The following CADM2 variants were observed in gnomAD, a reference collection of about 807,000 sequenced individuals.
The protein encoded by CADM2 is cell adhesion molecule 2, also known as immunoglobulin superfamily member 4D.
In CADM2, 12 loss-of-function variants were observed where a neutral mutation model predicts 49.8. The ratio of observed to expected loss-of-function variants is 0.24; its 90% CI spans 0.15 to 0.39. CADM2 has a LOEUF of 0.39. Among genes scored for constraint, CADM2 ranks in the 10% least tolerant of loss-of-function variants. CADM2 has a pLI of 1.00. For missense variants in CADM2, 378 were observed against 492.3 expected (o/e 0.77, Z 2.20); for synonymous variants, 214 against 175.4 (o/e 1.22, Z -1.74).
chr3:85,381,242 A>G (rs915238325), intron 1 of CADM2, among the ~76,000 whole-genome samples: 1 of 151,806 alleles, frequency 6.6e-6, no homozygotes, highest in Non-Finnish European at 1.5e-5. Context: ...AAAAATAACA[A>G]TATTGTGAAT....
chr3:85,658,065 A>G (rs768699807), intron 1 of CADM2, among the ~76,000 whole-genome samples: 5 of 152,130 alleles, frequency 3.3e-5, no homozygotes, highest in African/African-American at 7.2e-5. Context: ...GAGAATTTCA[A>G]TTTAGAGTGA....
intron 1 of CADM2, among the ~76,000 whole-genome samples, chr3:85,653,294 A>G (rs572154057): frequency 2.0e-5 from 3 of 148,550 alleles, no homozygotes; most frequent in Admixed American, 6.9e-5. Context: ...AGAGTTAGGA[A>G]GACCAATAAA....
At chr3:85,563,378 G>C (rs4856590) in intron 1 of CADM2, among the ~76,000 whole-genome samples, 3 of 148,212 alleles carry the variant, frequency 2.0e-5, no homozygotes, top group African/African-American at 7.4e-5. Context: ...ATGATTCTAC[G>C]TATTGCAAAA....
At chr3:85,573,128 T>C (rs963684798) in intron 1 of CADM2, among the ~76,000 whole-genome samples, 26 of 152,018 alleles carry the variant, frequency 1.7e-4, no homozygotes, top group African/African-American at 6.3e-4. Context: ...TACATGACAA[T>C]CTCAATGTAA....
At chr3:86,036,006 A>G (rs990289313) in intron 8 of CADM2, among the ~76,000 whole-genome samples, 5 of 152,060 alleles carry the variant, frequency 3.3e-5, no homozygotes, top group Non-Finnish European at 7.4e-5. Context: ...AAAAGCATAA[A>G]TTCCATCATG....
At chr3:85,985,099 T>C (rs760808146) in intron 8 of CADM2, among the ~76,000 whole-genome samples, 7 of 152,108 alleles carry the variant, frequency 4.6e-5, no homozygotes, top group Non-Finnish European at 7.4e-5. Context: ...TTTGGGGTGC[T>C]ATAATGAAAT....
chr3:85,477,251 C>CACACACACAA (rs2039014124), intron 1 of CADM2, among the ~76,000 whole-genome samples: 1 of 149,626 alleles, frequency 6.7e-6, no homozygotes, highest in African/African-American at 2.5e-5. Flanking sequence ...TAAACACACA[C>CACACACACAA]ACACACACAC....
At chr3:85,908,670 T>G (rs936919543) in intron 5 of CADM2, among the ~76,000 whole-genome samples, 1 of 152,004 alleles carries the variant, frequency 6.6e-6, no homozygotes, top group Non-Finnish European at 1.5e-5. Flanking sequence ...CTTTGTTTCA[T>G]CTATCCCTCT....
At chr3:85,381,012 G>C (rs1276421572) in intron 1 of CADM2, among the ~76,000 whole-genome samples, 3 of 152,004 alleles carry the variant, frequency 2.0e-5, no homozygotes, top group Admixed American at 2.0e-4. Flanking sequence ...GAAACACAAA[G>C]TTAGAAAGTG....
chr3:86,030,076 T>C (rs1734375303), intron 8 of CADM2, among the ~76,000 whole-genome samples: 1 of 151,820 alleles, frequency 6.6e-6, no homozygotes, highest in Non-Finnish European at 1.5e-5. Flanking sequence ...AGGAAATTAG[T>C]ATAGAGAGGT....
intron 1 of CADM2, among the ~76,000 whole-genome samples, chr3:85,205,315 A>T (rs1350305633): frequency 6.6e-6 from 1 of 152,178 alleles, no homozygotes; most frequent in Non-Finnish European, 1.5e-5. Context: ...GAGCCAACCT[A>T]CCAGGCTTGA....
intron 1 of CADM2, among the ~76,000 whole-genome samples, chr3:85,516,104 GT>G (rs2060896004): frequency 6.6e-6 from 1 of 152,120 alleles, no homozygotes; most frequent in Admixed American, 6.6e-5. Context: ...GATCATTTCA[GT>G]TTCCATGCCA....
At chr3:85,045,965 A>T (rs1180979751) in intron 1 of CADM2, among the ~76,000 whole-genome samples, 1 of 152,138 alleles carries the variant, frequency 6.6e-6, no homozygotes, top group African/African-American at 2.4e-5. Context: ...AGTTGAAAGA[A>T]CATCCCAAAA....
chr3:85,463,106 T>G (rs180671234), intron 1 of CADM2, among the ~76,000 whole-genome samples: 1 of 152,142 alleles, frequency 6.6e-6, no homozygotes, highest in African/African-American at 2.4e-5. Flanking sequence ...CAAGTTTAAC[T>G]CTTATGATTT....
At chr3:85,452,808 T>A (rs1003164056) in intron 1 of CADM2, among the ~76,000 whole-genome samples, 1 of 152,168 alleles carries the variant, frequency 6.6e-6, no homozygotes, top group Non-Finnish European at 1.5e-5. Context: ...ATTTTGGAAG[T>A]GTAATAAAGT....
At chr3:85,984,930 A>G (rs1727911004) in intron 8 of CADM2, among the ~76,000 whole-genome samples, 1 of 151,986 alleles carries the variant, frequency 6.6e-6, no homozygotes, top group Non-Finnish European at 1.5e-5. Context: ...CCTTAGTTCA[A>G]AATGGTACGG....
intron 8 of CADM2, among the ~76,000 whole-genome samples, chr3:86,039,696 A>G (rs922599448): frequency 6.6e-6 from 1 of 152,212 alleles, no homozygotes; most frequent in Admixed American, 6.5e-5. Context: ...AATCCTCTGC[A>G]GACTTAAATG....
At chr3:86,035,386 G>A (rs907082050) in intron 8 of CADM2, among the ~76,000 whole-genome samples, 1 of 151,858 alleles carries the variant, frequency 6.6e-6, no homozygotes, top group Admixed American at 6.6e-5. Context: ...TTGTTCTACT[G>A]CTTCTGTTCA....
intron 1 of CADM2, among the ~76,000 whole-genome samples, chr3:85,679,229 C>T (rs1396672500): frequency 4.6e-5 from 7 of 152,012 alleles, no homozygotes; most frequent in Non-Finnish European, 8.8e-5. Context: ...GAAGACTCTT[C>T]GAGAAAGCTT....
Sources: allele counts gnomAD v4.1 joint callset (sites outside exome capture counted in the v4.1 genomes callset), GRCh38; gene constraint gnomAD v4.1.1; transcripts MANE v1.5; gene names NCBI Gene and HGNC (gene_info 2026-07-23, HGNC 2026-07-21).